The following COIL variants were observed in gnomAD, a reference collection of about 807,000 sequenced individuals.
The protein encoded by COIL is coilin p80.
Under a neutral mutation model 51.6 loss-of-function variants are expected in COIL, and 28 were observed. The ratio of observed to expected loss-of-function variants is 0.54; its 90% CI spans 0.40 to 0.74. The LOEUF (loss-of-function observed/expected upper bound fraction) is 0.74, where lower values mean the gene tolerates loss of function less well. COIL is among the 30% of genes least tolerant of loss of function. The pLI is 0.00. For synonymous variants in COIL, 233 were observed against 255.8 expected (o/e 0.91, Z 0.85); for missense variants, 667 against 685.9 (o/e 0.97, Z 0.31).
intron 6 of COIL, 110 bp from the exon 7 acceptor site, chr17:56,939,264 A>G (rs1468690850): frequency 1.5e-6 from 1 of 673,104 alleles, no homozygotes; most frequent in Admixed American, 2.5e-5. Context: ...GAACGGGAAT[A>G]ATTTGGGTTC....
chr17:56,945,468 G>A (rs941316162), intron 5 of COIL, among the ~76,000 whole-genome samples: 6 of 152,246 alleles, frequency 3.9e-5, no homozygotes, highest in African/African-American at 1.2e-4. Context: ...CTTATTCCAC[G>A]CATTCAGTTC....
chr17:56,945,428 C>G (rs1348202613), intron 5 of COIL, among the ~76,000 whole-genome samples: 1 of 152,174 alleles, frequency 6.6e-6, no homozygotes, highest in Non-Finnish European at 1.5e-5. Context: ...ACAGTACACC[C>G]CAAGTTAAGC....
chr17:56,949,268 A>G, intron 4 of COIL, 119 bp downstream of exon 4: 2 of 723,618 alleles, frequency 2.8e-6, no homozygotes, highest in South Asian at 2.3e-5. Context: ...TTCATTTTCT[A>G]CTTTCTGGCA....
intron 1 of COIL, among the ~76,000 whole-genome samples, chr17:56,957,566 G>C (rs1455844077): frequency 6.9e-6 from 1 of 144,922 alleles, no homozygotes; most frequent in Admixed American, 6.9e-5. Context: ...ATGTTGCAGT[G>C]AGCCAAGATC....
chr17:56,955,819 T>C (rs557999425), intron 1 of COIL, among the ~76,000 whole-genome samples: 1 of 152,300 alleles, frequency 6.6e-6, no homozygotes, highest in African/African-American at 2.4e-5. Flanking sequence ...TGACAGTACT[T>C]ATCAATTTTT....
At chr17:56,948,007 A>G (rs752774800) in intron 4 of COIL, among the ~76,000 whole-genome samples, 12 of 152,172 alleles carry the variant, frequency 7.9e-5, no homozygotes, top group Non-Finnish European at 1.6e-4. Flanking sequence ...GATAAATTAC[A>G]TGATCACCTC....
intron 4 of COIL, among the ~76,000 whole-genome samples, chr17:56,948,132 A>ATTTTTTTTTTTTTT (rs11450212): frequency 8.1e-6 from 1 of 123,834 alleles, no homozygotes; most frequent in South Asian, 2.5e-4. Context: ...TTGAGGAAAG[A>ATTTTTTTTTTTTTT]TTTTTTTTTT....
rs1763022745 is a variant in COIL at position 56,952,233 on chromosome 17, A to G, written c.246-1237T>C. 8.0e-6 allele frequency: 4 copies of G among 500,300 alleles called. No individual in the cohort carries two copies. In the Admixed American group the frequency reaches 8.1e-5, roughly 10 times the overall value. The allele number at this position is 500,300 out of a possible 1,614,324, so 31.0% of individuals were successfully genotyped here. The stretch of plus-strand genomic sequence containing the variant: ...CAGGCAGGCTAAACAAGTATGGAAT[A>G]ATCAGCCTCAGATTTGACGTGCAAC... On this transcript the variant is annotated intron_variant, in intron 1 of 6. Transcript: ENST00000240316.
intron 5 of COIL, among the ~76,000 whole-genome samples, chr17:56,943,534 A>T (rs1407423216): frequency 6.6e-6 from 1 of 152,194 alleles, no homozygotes; most frequent in Non-Finnish European, 1.5e-5. Flanking sequence ...AATGTCATGC[A>T]GGTTTATAAG....
intron 5 of COIL, among the ~76,000 whole-genome samples, chr17:56,943,830 A>T (rs1431228848): frequency 6.6e-6 from 1 of 152,186 alleles, no homozygotes; most frequent in Non-Finnish European, 1.5e-5. Flanking sequence ...CATCAAGGAC[A>T]AGTGACATTG....
intron 1 of COIL, among the ~76,000 whole-genome samples, chr17:56,953,429 A>AC (rs1334843822): frequency 6.6e-6 from 1 of 151,258 alleles, no homozygotes; most frequent in Non-Finnish European, 1.5e-5. Context: ...AAAAAAAAAA[A>AC]AATACAAACA....
Position 56,950,070 on chromosome 17 carries a change from A to G in COIL, c.1172T>C (p.Leu391Ser). ...ASPSVSLPAS[L>S]GRGWGREENL... ...CTCTTCTCTACCCCATCCTCTTCCTAAACTAGCAGGGAGAGACACACTGGG... is the reference window on the plus strand; with the variant it reads ...CTCTTCTCTACCCCATCCTCTTCCTGAACTAGCAGGGAGAGACACACTGGG... Residue 391 changes from leucine to serine, a missense_variant, in exon 2 of 7, where the codon TTA (leucine) becomes TCA (serine). Coordinates refer to ENST00000240316, the MANE Select transcript of COIL (RefSeq NM_004645.3). 1 of 1,614,024 alleles carries G rather than the reference A, an allele frequency of 6.2e-7. No homozygotes were observed. The highest frequency in any genetic ancestry group is 8.5e-7 in the Non-Finnish European group (1 of 1,179,984).
intron 1 of COIL, 85 bp downstream of exon 1, chr17:56,960,690 G>T: frequency 1.7e-6 from 1 of 604,112 alleles, no homozygotes; most frequent in Non-Finnish European, 2.3e-6. Context: ...TCCACTACCA[G>T]GTCTAGCGGC....
chr17:56,951,356 G>A (rs1251048311), intron 1 of COIL: 11 of 179,308 alleles, frequency 6.1e-5, no homozygotes, highest in Middle Eastern at 2.5e-3. Flanking sequence ...TAGCAGAAAC[G>A]CAATTCAAAC....
At chr17:56,939,456 C>CA (rs1018435403) in intron 6 of COIL, among the ~76,000 whole-genome samples, 15 of 149,692 alleles carry the variant, frequency 1.0e-4, no homozygotes, top group African/African-American at 1.5e-4. Flanking sequence ...AAAAACAAAA[C>CA]AAAAAAAAAG....
At chr17:56,946,613 TTTATG>T (rs1910254829) in intron 4 of COIL, 102 bp from the exon 5 acceptor site, 2 of 716,642 alleles carry the variant, frequency 2.8e-6, no homozygotes, top group Non-Finnish European at 4.7e-6. Context: ...AATGTTGAAT[TTTATG>T]TTATGTGAAT....
intron 4 of COIL, among the ~76,000 whole-genome samples, chr17:56,947,410 A>G (rs908535027): frequency 6.6e-6 from 1 of 152,196 alleles, no homozygotes; most frequent in African/African-American, 2.4e-5. Context: ...TCTTCAAAAA[A>G]TTTTGCCAAC....
intron 6 of COIL, chr17:56,941,124 T>TAG (rs1009365359): frequency 1.7e-5 from 2 of 119,926 alleles, no homozygotes; most frequent in Non-Finnish European, 3.2e-5. Context: ...GTGACAGAGC[T>TAG]AGACTCTGTC....
Position 56,954,517 on chromosome 17 carries a change from C to T in COIL, c.246-3521G>A, listed in dbSNP as rs370616249. ...CAGAGGGTGCAGTAAGCCAAGATCA[C>T]GCCACCGCACTCCAGCCTGGCGACA... On this transcript the variant is annotated intron_variant, in intron 1 of 6. Coordinates refer to ENST00000240316, the MANE Select transcript of COIL (RefSeq NM_004645.3). Among the ~76,000 whole-genome samples, 554 of 151,722 alleles carry T rather than the reference C, an allele frequency of 3.7e-3. 5 individuals are homozygous for T. The highest frequency in any genetic ancestry group is 0.013 in the African/African-American group (529 of 41,324).
Sources: gnomAD v4.1 joint callset for allele counts (sites outside exome capture counted in the v4.1 genomes callset) on GRCh38, gnomAD v4.1.1 for gene constraint, MANE v1.5 for transcripts, NCBI Gene and HGNC (gene_info 2026-07-23, HGNC 2026-07-21) for gene names.